The following TMEM238L variants were observed in gnomAD, a reference collection of about 807,000 sequenced individuals.
TMEM238L encodes the protein transmembrane protein 238-like.
At chr17:10,803,870 G>T in exon 1 of TMEM238L, 1 of 399,928 alleles carries the variant, frequency 2.5e-6, no homozygotes. Context: ...AGCAGCAAAA[G>T]GACCAGGCCG....
Position 10,804,068 on chromosome 17 carries a change from CA to C in TMEM238L, c.-106del, listed in dbSNP as rs1230665790. 8.3e-4 allele frequency: 335 copies of C among 401,380 alleles called. 4 individuals are homozygous for C. In the East Asian group the frequency reaches 0.012, roughly 14 times the overall value. The allele number at this position is 401,380 out of a possible 1,614,324, so 24.9% of individuals were successfully genotyped here. A position where few individuals can be genotyped will look rare whatever the true frequency, so the allele number is the denominator to read the frequency against. ...GCCTTCTCTGCCTGCTGGGTGTGAGCAAATGAGCGAGCTGGCGCTTCTTGGA... is the reference window on the plus strand; with the variant it reads ...GCCTTCTCTGCCTGCTGGGTGTGAGCAATGAGCGAGCTGGCGCTTCTTGGA... On this transcript the variant is annotated 5_prime_UTR_variant, in exon 1 of 2. Coordinates refer to ENST00000581851, the Ensembl canonical transcript of TMEM238L.
intron 1 of TMEM238L, among the ~76,000 whole-genome samples, chr17:10,799,015 G>T (rs563848428): frequency 9.2e-5 from 14 of 151,528 alleles, no homozygotes; most frequent in African/African-American, 3.4e-4. Context: ...TCAGCCACTC[G>T]CCCTGAAACT....
At chr17:10,795,500 C>G (rs1350214794) in exon 2 of TMEM238L, 3 of 152,274 alleles carry the variant, frequency 2.0e-5, no homozygotes, top group African/African-American at 7.2e-5. Flanking sequence ...CAGGAGCTCA[C>G]ACAGTCTGTC....
intron 1 of TMEM238L, among the ~76,000 whole-genome samples, chr17:10,796,169 C>A (rs1254580267): frequency 6.6e-6 from 1 of 152,226 alleles, no homozygotes; most frequent in Non-Finnish European, 1.5e-5. Flanking sequence ...CCCGCACTCA[C>A]AGAGTTGTAA....
At chr17:10,797,434 C>G (rs1904597883) in intron 1 of TMEM238L, among the ~76,000 whole-genome samples, 1 of 132,012 alleles carries the variant, frequency 7.6e-6, no homozygotes. Context: ...CCTCACTCTC[C>G]CAATCCCTTT....
intron 1 of TMEM238L, among the ~76,000 whole-genome samples, chr17:10,800,484 T>C (rs1472583030): frequency 1.3e-5 from 2 of 152,238 alleles, no homozygotes; most frequent in African/African-American, 4.8e-5. Flanking sequence ...TGGAGCAGCA[T>C]TCAGTCTCAT....
chr17:10,795,454 T>C (rs1320456167), exon 2 of TMEM238L: 2 of 152,210 alleles, frequency 1.3e-5, no homozygotes, highest in Non-Finnish European at 2.9e-5. Flanking sequence ...ATGTGCCAAC[T>C]GGTCAGTGTC....
chr17:10,801,857 C>G (rs1285855673), intron 1 of TMEM238L, among the ~76,000 whole-genome samples: 1 of 152,064 alleles, frequency 6.6e-6, no homozygotes, highest in Non-Finnish European at 1.5e-5. Flanking sequence ...TCTCTGCTCA[C>G]TGCAGCCTGT....
At chr17:10,803,475 A>G (rs1904808953) in intron 1 of TMEM238L, 131 bp downstream of exon 1, 2 of 337,178 alleles carry the variant, frequency 5.9e-6, no homozygotes, top group South Asian at 3.1e-4. Flanking sequence ...ACCTGAGGCC[A>G]GGGCCACAGG....
At chr17:10,803,413 C>G (rs1904806300) in intron 1 of TMEM238L, among the ~76,000 whole-genome samples, 193 bp downstream of exon 1, 1 of 152,134 alleles carries the variant, frequency 6.6e-6, no homozygotes, top group African/African-American at 2.4e-5. Context: ...GGAAAAGGGC[C>G]CGGAGGAGAA....
chr17:10,797,403 C>CCCTT (rs75503931), intron 1 of TMEM238L, among the ~76,000 whole-genome samples: 5 of 86,948 alleles, frequency 5.8e-5, no homozygotes, highest in Admixed American at 2.7e-4. Flanking sequence ...CTCCCTCCCT[C>CCCTT]CCTTCCTTCC....
intron 1 of TMEM238L, among the ~76,000 whole-genome samples, chr17:10,798,204 C>A (rs778512902): frequency 2.0e-5 from 3 of 152,010 alleles, no homozygotes; most frequent in Non-Finnish European, 4.4e-5. Context: ...CAGCACGCTT[C>A]CCCCAGCCAG....
intron 1 of TMEM238L, among the ~76,000 whole-genome samples, chr17:10,798,726 C>A (rs984016959): frequency 6.7e-6 from 1 of 150,180 alleles, no homozygotes; most frequent in South Asian, 2.1e-4. Context: ...GTGTGGGGGG[C>A]GTGTTTGTGT....
intron 1 of TMEM238L, among the ~76,000 whole-genome samples, chr17:10,800,581 C>T (rs918817937): frequency 1.3e-5 from 2 of 152,182 alleles, no homozygotes; most frequent in African/African-American, 4.8e-5. Flanking sequence ...GTGCTGGCTA[C>T]CTGCATCGTG....
intron 1 of TMEM238L, 103 bp downstream of exon 1, chr17:10,803,503 A>T (rs919305172): frequency 6.0e-5 from 22 of 366,466 alleles, no homozygotes; most frequent in Non-Finnish European, 9.2e-5. Context: ...GTCAGGGTGC[A>T]GTGTCTGGCT....
intron 1 of TMEM238L, 58 bp downstream of exon 1, chr17:10,803,548 C>A (rs1352579781): frequency 7.6e-6 from 3 of 392,234 alleles, no homozygotes; most frequent in African/African-American, 4.1e-5. Flanking sequence ...CCTGGTCTTG[C>A]CCCTGCTTGT....
chr17:10,799,751 G>T (rs1904675330), intron 1 of TMEM238L, among the ~76,000 whole-genome samples: 1 of 152,200 alleles, frequency 6.6e-6, no homozygotes, highest in African/African-American at 2.4e-5. Context: ...TTCATGTAAA[G>T]TCTTACGTGC....
At chr17:10,800,717 A>G (rs1904711320) in intron 1 of TMEM238L, among the ~76,000 whole-genome samples, 1 of 152,180 alleles carries the variant, frequency 6.6e-6, no homozygotes, top group Non-Finnish European at 1.5e-5. Flanking sequence ...ATTTGGAGTA[A>G]TGGGGCACGG....
exon 1 of TMEM238L, chr17:10,803,617 G>A (rs1190371339): frequency 1.8e-5 from 7 of 397,560 alleles, no homozygotes; most frequent in South Asian, 1.4e-4. Context: ...TGGTCCCGGC[G>A]TGGCTTGCTA....
Sources: gnomAD v4.1 joint callset for allele counts (sites outside exome capture counted in the v4.1 genomes callset) on GRCh38, gnomAD v4.1.1 for gene constraint, MANE v1.5 for transcripts, NCBI Gene and HGNC (gene_info 2026-07-23, HGNC 2026-07-21) for gene names.